DIP2C: variants seen among roughly 807,000 people sequenced by gnomAD.
The protein encoded by DIP2C is DIP2 acetate--CoA ligase C (putative).
A neutral mutation model predicts 192.4 loss-of-function variants in DIP2C; 33 were observed. That is an observed-to-expected ratio of 0.17 (90% CI 0.13 to 0.23). The LOEUF is 0.23. Among genes scored for constraint, DIP2C ranks in the 10% least tolerant of loss-of-function variants. The pLI, the probability that DIP2C is intolerant of heterozygous loss-of-function variation, is 1.00. For missense variants in DIP2C, 1,537 were observed against 2,110.1 expected (o/e 0.73, Z 5.32); for synonymous variants, 979 against 864.1 (o/e 1.13, Z -2.33).
At chr10:647,788 T>C (rs1588669248) in intron 1 of DIP2C, among the ~76,000 whole-genome samples, 1 of 145,352 alleles carries the variant, frequency 6.9e-6, no homozygotes, top group African/African-American at 2.6e-5. Context: ...CAAAACTGAG[T>C]CCACGTCCAC....
At chr10:446,742 G>A (rs1339983603) in intron 3 of DIP2C, among the ~76,000 whole-genome samples, 1 of 152,240 alleles carries the variant, frequency 6.6e-6, no homozygotes, top group East Asian at 1.9e-4. Flanking sequence ...AACAGAGAAA[G>A]ATCCCTTCTG....
chr10:686,956 T>C (rs1831361825), intron 1 of DIP2C, among the ~76,000 whole-genome samples: 1 of 152,272 alleles, frequency 6.6e-6, no homozygotes, highest in South Asian at 2.1e-4. Flanking sequence ...CTATGTTATG[T>C]GCTTAAAACG....
At chr10:516,194 A>C (rs1368919636) in intron 1 of DIP2C, among the ~76,000 whole-genome samples, 1 of 145,130 alleles carries the variant, frequency 6.9e-6, no homozygotes, top group Non-Finnish European at 1.5e-5. Context: ...TCTTCCGGGC[A>C]GGAAAGATGG....
At position 393,704 on chromosome 10, in the gene DIP2C, G is replaced by A. The variant is rs571323995; in HGVS notation, c.1261-2841C>T. Among the ~76,000 whole-genome samples, 7 of 150,426 alleles carry A rather than the reference G, an allele frequency of 4.7e-5. No homozygotes were observed. In the South Asian group the frequency reaches 1.0e-3, roughly 23 times the overall value. The stretch of plus-strand genomic sequence containing the variant: ...TGAGGCAGGAGAATAGCTTGAACCC[G>A]GGAAGCGGAGGTTGCAGTGAGCAGA... On this transcript the variant is annotated intron_variant, in intron 10 of 36. Coordinates refer to ENST00000280886, the MANE Select transcript of DIP2C (RefSeq NM_014974.3).
chr10:281,292 T>G lies in DIP2C; in HGVS notation c.4326A>C (p.Ala1442=). 17 of 1,614,102 alleles carry G rather than the reference T, an allele frequency of 1.1e-5. No homozygotes were observed. The highest frequency in any genetic ancestry group is 1.4e-5 in the Non-Finnish European group (16 of 1,179,946). ...CCCGCAGCTCCATGGCTTCGTCCAG[T>G]GCCCCTACCACGTAGAGGGCATCAT... ...ERHDALYVVG[A]LDEAMELRGM... is the part of the protein sequence containing the mutation. Residue 1442 remains alanine (A), a synonymous_variant, in exon 36 of 37, where the codon GCA becomes GCC. Transcript: ENST00000280886.
At chr10:366,561 T>A (rs1960237454) in intron 18 of DIP2C, 150 bp from the exon 19 acceptor site, 1 of 1,081,766 alleles carries the variant, frequency 9.2e-7, no homozygotes, top group Non-Finnish European at 1.3e-6. Context: ...CAGGCACTCA[T>A]TTTCCCTAAA....
chr10:661,508 T>C (rs1348057794), intron 1 of DIP2C, among the ~76,000 whole-genome samples: 3 of 152,250 alleles, frequency 2.0e-5, no homozygotes, highest in East Asian at 3.9e-4. Flanking sequence ...CAGGCTCCCC[T>C]CGCTGCCTCC....
At chr10:329,105 A>T (rs530974026) in intron 30 of DIP2C, among the ~76,000 whole-genome samples, 13 of 152,312 alleles carry the variant, frequency 8.5e-5, no homozygotes, top group South Asian at 6.2e-4. Flanking sequence ...AGTTAACATC[A>T]CCTAAGATCT....
At position 647,612 on chromosome 10, in the gene DIP2C, C is replaced by T. The variant is rs574453600; in HGVS notation, c.85+41882G>A. ...AGAGAACAGAGGGAAACTGAGTCCA[C>T]GTCGACATTGGATGGTGGGAGAGAA... On this transcript the variant is annotated intron_variant, in intron 1 of 36. Coordinates refer to ENST00000280886, the MANE Select transcript of DIP2C (RefSeq NM_014974.3). Among the ~76,000 whole-genome samples, 6 of 149,004 alleles carry T rather than the reference C, an allele frequency of 4.0e-5. No homozygotes were observed. The East Asian group carries it at 8.1e-4, about 20-fold the overall frequency.
chr10:614,029 T>C (rs1451872895), intron 1 of DIP2C, among the ~76,000 whole-genome samples: 2 of 152,064 alleles, frequency 1.3e-5, no homozygotes, highest in African/African-American at 4.8e-5. Flanking sequence ...GCATTCAACG[T>C]CCTCCATGGC....
chr10:472,288 G>A (rs1010190450), intron 3 of DIP2C, 151 bp downstream of exon 3: 59 of 590,840 alleles, frequency 1.0e-4, no homozygotes, highest in Admixed American at 1.3e-4. Flanking sequence ...GGCGTCTCCC[G>A]AGAGGGTGTG....
chr10:278,555 C>T (rs184647502), intron 36 of DIP2C, among the ~76,000 whole-genome samples: 1 of 152,222 alleles, frequency 6.6e-6, no homozygotes, highest in African/African-American at 2.4e-5. Flanking sequence ...TGAGCCAGCC[C>T]CTTGAACGCA....
chr10:604,259 T>C (rs1588575038), intron 1 of DIP2C, among the ~76,000 whole-genome samples: 2 of 152,148 alleles, frequency 1.3e-5, no homozygotes, highest in Non-Finnish European at 2.9e-5. Flanking sequence ...TCCATTATAA[T>C]GACGTAAAAA....
At chr10:362,753 A>G in intron 21 of DIP2C, 62 bp from the exon 22 acceptor site, 1 of 1,504,350 alleles carries the variant, frequency 6.6e-7, no homozygotes, top group Non-Finnish European at 9.0e-7. Flanking sequence ...ACGTATTTAT[A>G]TTATGCAAAA....
At chr10:552,526 A>G (rs568574973) in intron 1 of DIP2C, among the ~76,000 whole-genome samples, 1 of 152,354 alleles carries the variant, frequency 6.6e-6, no homozygotes, top group East Asian at 1.9e-4. Flanking sequence ...TGTTCAGTCT[A>G]TTTCATTCCT....
At chr10:411,930 C>A (rs916263875) in intron 8 of DIP2C, among the ~76,000 whole-genome samples, 1 of 152,156 alleles carries the variant, frequency 6.6e-6, no homozygotes, top group Non-Finnish European at 1.5e-5. Flanking sequence ...CAAGTAAAAA[C>A]CAAGATCAAC....
chr10:556,538 C>T (rs1434547428), intron 1 of DIP2C, among the ~76,000 whole-genome samples: 1 of 151,010 alleles, frequency 6.6e-6, no homozygotes, highest in Non-Finnish European at 1.5e-5. Flanking sequence ...ACTCAACAGC[C>T]TTAGACTGAA....
rs764561571 is a variant in DIP2C, at chr10:503,292, A to T, written c.86-16762T>A. 2.0e-5 allele frequency among the ~76,000 whole-genome samples: 3 copies of T among 152,354 alleles called. No individual in the cohort carries two copies. The South Asian group carries it at 6.2e-4, about 32-fold the overall frequency. On this transcript the variant is annotated intron_variant, in intron 1 of 36. Coordinates refer to ENST00000280886, the MANE Select transcript of DIP2C (RefSeq NM_014974.3). ...CTTTCTGTAGATGCAGACAAGCTAA[A>T]AGTTACATGAAAGGGAAAGAAACAG...
In DIP2C at chr10:356,492, T is replaced by C. The variant is rs2132677847; in HGVS notation, c.2919A>G (p.Ser973=). ...TCTGTGCTCTCCACTGCAAGACCTC[T>C]GAGAGGAACAGGAACTGGAACAGAG... is the stretch of plus-strand genomic sequence containing the variant. ...NDQARKFLFL[S]EVLQWRAQTT... Residue 973 remains serine (S), a synonymous_variant, in exon 24 of 37, where the codon TCA becomes TCG. Transcript: ENST00000280886. 1 of 1,612,076 alleles carries C rather than the reference T, an allele frequency of 6.2e-7. No homozygotes were observed. Among genetic ancestry groups the C allele is most frequent in the East Asian group, 2.2e-5 (1 of 44,880 alleles).
Sources: allele counts gnomAD v4.1 joint callset (sites outside exome capture counted in the v4.1 genomes callset), GRCh38; gene constraint gnomAD v4.1.1; transcripts MANE v1.5; gene names NCBI Gene and HGNC (gene_info 2026-07-23, HGNC 2026-07-21).